The following GTF2F2 variants were observed in gnomAD, a reference collection of about 807,000 sequenced individuals.
The protein encoded by GTF2F2 is general transcription factor IIF subunit 2, also known as ATP-dependent helicase GTF2F2.
Under a neutral mutation model 42.2 loss-of-function variants are expected in GTF2F2, and 23 were observed. The observed-to-expected ratio is 0.55, with a 90% CI of 0.39 to 0.77. The LOEUF (loss-of-function observed/expected upper bound fraction) is 0.77. Ranked by LOEUF, GTF2F2 falls within the 30% of genes least tolerant of loss-of-function variation. GTF2F2 has a pLI of 0.00. For missense variants in GTF2F2, 261 were observed against 287.2 expected, an observed-to-expected ratio of 0.91 and a Z score of 0.66; for synonymous variants, 105 against 100.8, an observed-to-expected ratio of 1.04 and a Z score of -0.25.
intron 7 of GTF2F2, among the ~76,000 whole-genome samples, chr13:45,271,924 G>A (rs1030197944): frequency 3.9e-5 from 6 of 152,058 alleles, no homozygotes; most frequent in Non-Finnish European, 8.8e-5. Context: ...AGGAAAAATA[G>A]GTATTTTTAA....
At chr13:45,218,224 T>A (rs1206934748) in intron 5 of GTF2F2, among the ~76,000 whole-genome samples, 1 of 152,222 alleles carries the variant, frequency 6.6e-6, no homozygotes, top group Admixed American at 6.5e-5. Flanking sequence ...GTTAGAGATC[T>A]GTTCTGAGGA....
chr13:45,275,065 C>G (rs1209228977), intron 7 of GTF2F2, among the ~76,000 whole-genome samples: 1 of 152,186 alleles, frequency 6.6e-6, no homozygotes, highest in Non-Finnish European at 1.5e-5. Flanking sequence ...CCTTTCTCTC[C>G]CCTACAGGGA....
intron 1 of GTF2F2, among the ~76,000 whole-genome samples, chr13:45,125,482 G>A (rs1490672839): frequency 6.6e-6 from 1 of 151,986 alleles, no homozygotes; most frequent in South Asian, 2.1e-4. Flanking sequence ...ACCACACCCA[G>A]CTAATTTTTG....
chr13:45,186,767 G>A (rs537537980), intron 4 of GTF2F2, among the ~76,000 whole-genome samples: 1 of 152,220 alleles, frequency 6.6e-6, no homozygotes, highest in South Asian at 2.1e-4. Context: ...CTTAAAAATA[G>A]TTAATAAATA....
intron 4 of GTF2F2, among the ~76,000 whole-genome samples, chr13:45,157,397 GA>G (rs1870813557): frequency 6.6e-6 from 1 of 152,194 alleles, no homozygotes; most frequent in African/African-American, 2.4e-5. Flanking sequence ...TCACTGGAGA[GA>G]TTTAAGCAGA....
chr13:45,193,949 G>A (rs751100423), intron 4 of GTF2F2: 14 of 1,613,888 alleles, frequency 8.7e-6, no homozygotes, highest in Admixed American at 6.7e-5. Context: ...AGTACAAGTC[G>A]AGTGCCATTT....
intron 4 of GTF2F2, chr13:45,193,617 A>G: frequency 1.7e-6 from 1 of 597,108 alleles, no homozygotes; most frequent in Middle Eastern, 4.5e-4. Context: ...CCCCAGAGGA[A>G]GGACATCTTT....
chr13:45,141,552 G>A (rs929420669), intron 2 of GTF2F2, among the ~76,000 whole-genome samples: 1 of 152,096 alleles, frequency 6.6e-6, no homozygotes, highest in African/African-American at 2.4e-5. Context: ...TAGGGGTAGG[G>A]GTGAAGACGG....
intron 5 of GTF2F2, among the ~76,000 whole-genome samples, chr13:45,244,867 T>A (rs1201971446): frequency 6.6e-6 from 1 of 152,144 alleles, no homozygotes; most frequent in Non-Finnish European, 1.5e-5. Context: ...AAACGGAGTT[T>A]CATCATGTTG....
chr13:45,189,274 G>A (rs1872541360), intron 4 of GTF2F2, among the ~76,000 whole-genome samples: 1 of 152,028 alleles, frequency 6.6e-6, no homozygotes, highest in Non-Finnish European at 1.5e-5. Context: ...TCATGTATAT[G>A]TGCCACATTT....
intron 2 of GTF2F2, 37 bp from the exon 3 acceptor site, chr13:45,149,733 C>T: frequency 6.8e-7 from 1 of 1,473,152 alleles, no homozygotes; most frequent in Non-Finnish European, 9.1e-7. Flanking sequence ...AACATGAAAT[C>T]TAAATTATTT....
chr13:45,122,949 T>C (rs1868736314), intron 1 of GTF2F2: 1 of 152,080 alleles, frequency 6.6e-6, no homozygotes, highest in Admixed American at 6.5e-5. Flanking sequence ...AAAAAATTAG[T>C]GCTTCACCAG....
At chr13:45,238,885 G>A (rs1219648133) in intron 5 of GTF2F2, among the ~76,000 whole-genome samples, 2 of 151,194 alleles carry the variant, frequency 1.3e-5, no homozygotes, top group East Asian at 1.9e-4. Flanking sequence ...CAAAGGTTGC[G>A]GTGAGCCGAG....
intron 5 of GTF2F2, among the ~76,000 whole-genome samples, chr13:45,218,747 T>C (rs1164344854): frequency 6.6e-6 from 1 of 152,172 alleles, no homozygotes; most frequent in Non-Finnish European, 1.5e-5. Context: ...ATTGATGGGG[T>C]GCCGAATGGT....
intron 4 of GTF2F2, among the ~76,000 whole-genome samples, chr13:45,183,769 T>A (rs1308596871): frequency 1.3e-5 from 2 of 152,186 alleles, no homozygotes; most frequent in African/African-American, 4.8e-5. Context: ...CTGTGCCTGA[T>A]ACAAAGTAAT....
At chr13:45,171,114 G>A (rs1871578624) in intron 4 of GTF2F2, among the ~76,000 whole-genome samples, 1 of 109,420 alleles carries the variant, frequency 9.1e-6, no homozygotes, top group South Asian at 2.9e-4. Flanking sequence ...GTCTTGGTCT[G>A]TCACCCAGAC....
chr13:45,283,624 T>C lies in GTF2F2; in HGVS notation c.*63T>C. The C allele has an allele frequency of 1.4e-6, 2 of 1,460,072 alleles. No homozygotes were observed. Among genetic ancestry groups the C allele is most frequent in the African/African-American group, 1.4e-5 (1 of 70,120 alleles). The allele number at this position is 1,460,072 out of a possible 1,614,324, so 90.4% of individuals were successfully genotyped here. On this transcript the variant is annotated 3_prime_UTR_variant, in exon 8 of 8. Coordinates refer to ENST00000340473, the MANE Select transcript of GTF2F2 (RefSeq NM_004128.3). The stretch of plus-strand genomic sequence containing the variant: ...AGCGATGCTATGCAAAAGGCGCTGA[T>C]ACTGGAAGGCTTGAACACCGTATGT...
Position 45,199,519 on chromosome 13 carries a change from G to GTT in GTF2F2, c.305-7897_305-7896dup, listed in dbSNP as rs956095776. On this transcript the variant is annotated intron_variant, in intron 4 of 7. Transcript: ENST00000340473. ...ATACCTTAAGTTTTTTAAAAATGAAGTTTTTTTTTGAAATATAACCTGTGC... is the reference window on the plus strand; with the variant it reads ...ATACCTTAAGTTTTTTAAAAATGAAGTTTTTTTTTTTGAAATATAACCTGTGC... 2.6e-5 allele frequency among the ~76,000 whole-genome samples: 4 copies of GTT among 151,502 alleles called. No homozygotes were observed. In the East Asian group the frequency reaches 5.8e-4, roughly 22 times the overall value.
chr13:45,230,601 C>T (rs9595270), intron 5 of GTF2F2, among the ~76,000 whole-genome samples: 2 of 152,072 alleles, frequency 1.3e-5, no homozygotes, highest in African/African-American at 4.8e-5. Flanking sequence ...TTAAAATAGT[C>T]TGGTAGTTTT....
Sources: gnomAD v4.1 joint callset for allele counts (sites outside exome capture counted in the v4.1 genomes callset) on GRCh38, gnomAD v4.1.1 for gene constraint, MANE v1.5 for transcripts, NCBI Gene and HGNC (gene_info 2026-07-23, HGNC 2026-07-21) for gene names.